The following MALT1 variants were observed in gnomAD, a reference collection of about 807,000 sequenced individuals.
MALT1 encodes MALT1 paracaspase.
In MALT1, 36 loss-of-function variants were observed where a neutral mutation model predicts 85.5. The observed-to-expected ratio is 0.42, with a 90% CI of 0.32 to 0.56. The LOEUF is 0.56. Ranked by LOEUF, MALT1 falls within the 20% of genes least tolerant of loss-of-function variation. The pLI is 0.10. For synonymous variants in MALT1, 359 were observed against 361.3 expected, an observed-to-expected ratio of 0.99 and a Z score of 0.07; for missense variants, 716 against 981.6, an observed-to-expected ratio of 0.73 and a Z score of 3.62.
chr18:58,714,301 G>C (rs1387301895), intron 8 of MALT1, among the ~76,000 whole-genome samples, 192 bp downstream of exon 8: 2 of 152,074 alleles, frequency 1.3e-5, no homozygotes, highest in African/African-American at 4.8e-5. Context: ...AATATTTTAG[G>C]TTATAAAACT....
rs1341134840 is a variant in MALT1 at position 58,709,383 on chromosome 18, G to A, written c.655G>A (p.Val219Ile). The A allele has an allele frequency of 6.3e-7, 1 of 1,579,414 alleles. No individual in the cohort carries two copies. The highest frequency in any genetic ancestry group is 2.3e-5 in the East Asian group (1 of 43,834). ...ATTTTTTCTTTTAATTTAAGGAAGT[G>A]TTGATGGCGTCTCTGAATCCAAGTT... ...CDIPESFQRSVDGVSESKLQI... is the reference protein window; with the variant it reads ...CDIPESFQRSIDGVSESKLQI... Residue 219 changes from valine to isoleucine, a missense_variant, in exon 5 of 17, where the codon GTT (valine) becomes ATT (isoleucine). Val to Ile is a conservative substitution (Grantham distance 29). Around this residue, in one of 4 missense-constraint regions of MALT1, gnomAD observed 290 missense variants for 380.5 expected, o/e 0.76. Coordinates refer to ENST00000649217, the MANE Select transcript of MALT1 (RefSeq NM_006785.4).
At chr18:58,736,336 G>A (rs2055220752) in intron 13 of MALT1, among the ~76,000 whole-genome samples, 1 of 151,664 alleles carries the variant, frequency 6.6e-6, no homozygotes. Flanking sequence ...CAGGGCTTTG[G>A]ACTTCCTGCC....
chr18:58,690,691 G>T, intron 2 of MALT1: 1 of 196,012 alleles, frequency 5.1e-6, no homozygotes, highest in Non-Finnish European at 1.2e-5. Flanking sequence ...TTCACGAGCA[G>T]CCACCATACA....
chr18:58,716,008 T>C (rs376594875), intron 9 of MALT1, 41 bp downstream of exon 9: 3 of 1,398,342 alleles, frequency 2.1e-6, no homozygotes, highest in Non-Finnish European at 3.0e-6. Flanking sequence ...GTATAATTAT[T>C]GTGTATAACT....
intron 4 of MALT1, among the ~76,000 whole-genome samples, chr18:58,705,914 T>G (rs1030202638): frequency 4.6e-5 from 7 of 152,094 alleles, no homozygotes; most frequent in African/African-American, 1.7e-4. Flanking sequence ...ACTTCCACAA[T>G]GGTTGAACTA....
rs190903396 is a variant in MALT1, at chr18:58,748,878, T to A, written c.*1036T>A. 620 of 207,112 alleles carry A rather than the reference T, an allele frequency of 3.0e-3. 5 individuals carry two copies. Among genetic ancestry groups the A allele is most frequent in the African/African-American group, 0.013 (587 of 44,026 alleles). 12.8% of individuals were successfully genotyped at this position (207,112 alleles called of 1,614,324 possible). ...AAATTAGCACTAATTTTTTGCACAC[T>A]GTTTCTAAAAGTAGGAGAGGAAAGA... is the stretch of plus-strand genomic sequence containing the variant. On this transcript the variant is annotated 3_prime_UTR_variant, in exon 17 of 17. Coordinates refer to ENST00000649217, the MANE Select transcript of MALT1 (RefSeq NM_006785.4).
At chr18:58,738,426 A>G (rs529821829) in intron 13 of MALT1, among the ~76,000 whole-genome samples, 12 of 152,240 alleles carry the variant, frequency 7.9e-5, no homozygotes, top group Middle Eastern at 3.4e-3. Context: ...GGTTTTTGCT[A>G]TGTTAACAGT....
In MALT1 at chr18:58,709,532, A is replaced by T. The variant is rs759593233; in HGVS notation, c.804A>T (p.Thr268=). 1 of 1,608,202 alleles carries T rather than the reference A, an allele frequency of 6.2e-7. No individual in the cohort carries two copies. The highest frequency in any genetic ancestry group is 8.5e-7 in the Non-Finnish European group (1 of 1,178,090). The change falls in exon 5 of 17, where the codon ACA becomes ACT. Residue 268 remains threonine, a synonymous_variant. Coordinates refer to ENST00000649217, the MANE Select transcript of MALT1 (RefSeq NM_006785.4). ...GGTTCAAAAATGAATTACCATTAAC[A>T]CATGAGACCAAAAAGCTATACATGG... ...YQWFKNELPL[T]HETKKLYMVP...
intron 10 of MALT1, among the ~76,000 whole-genome samples, chr18:58,730,507 T>C (rs2055133010): frequency 6.6e-6 from 1 of 152,034 alleles, no homozygotes. Flanking sequence ...GGCTAGATAA[T>C]ATTCTATTAT....
intron 2 of MALT1, among the ~76,000 whole-genome samples, chr18:58,693,987 T>C (rs1264597404): frequency 6.6e-6 from 1 of 152,242 alleles, no homozygotes. Context: ...GGCAGATGAA[T>C]GGTAAATGTG....
chr18:58,720,355 C>T (rs571205824), intron 9 of MALT1, among the ~76,000 whole-genome samples: 23 of 152,154 alleles, frequency 1.5e-4, no homozygotes, highest in Non-Finnish European at 3.2e-4. Context: ...CTTTCTACTA[C>T]TTCTCGATCT....
chr18:58,746,270 T>C (rs969917787), intron 16 of MALT1, among the ~76,000 whole-genome samples: 5 of 152,216 alleles, frequency 3.3e-5, no homozygotes, highest in Non-Finnish European at 7.3e-5. Flanking sequence ...CCTCCCTTCT[T>C]GGTCTCCCAA....
At chr18:58,705,659 A>AT (rs2054741387) in intron 4 of MALT1, among the ~76,000 whole-genome samples, 2 of 150,268 alleles carry the variant, frequency 1.3e-5, no homozygotes, top group South Asian at 2.1e-4. Context: ...TGAACTCATC[A>AT]TTTTTTATGG....
intron 9 of MALT1, among the ~76,000 whole-genome samples, chr18:58,718,638 G>A (rs1056359446): frequency 3.3e-5 from 5 of 152,192 alleles, no homozygotes; most frequent in Admixed American, 2.0e-4. Context: ...TGCCAGAAAG[G>A]TTGGGGACCG....
At chr18:58,679,158 C>T (rs1254997067) in intron 1 of MALT1, among the ~76,000 whole-genome samples, 1 of 152,200 alleles carries the variant, frequency 6.6e-6, no homozygotes, top group African/African-American at 2.4e-5. Context: ...TTCTTCATGG[C>T]CTTCTATGAT....
At chr18:58,710,106 G>T in intron 6 of MALT1, 34 bp downstream of exon 6, 2 of 1,349,692 alleles carry the variant, frequency 1.5e-6, no homozygotes, top group Non-Finnish European at 2.1e-6. Flanking sequence ...CTGACAAGTG[G>T]ACTATAATAT....
At chr18:58,730,005 G>A (rs1181057007) in intron 10 of MALT1, among the ~76,000 whole-genome samples, 1 of 152,154 alleles carries the variant, frequency 6.6e-6, no homozygotes, top group Non-Finnish European at 1.5e-5. Context: ...TAAGGATTCT[G>A]AACTTTGGAA....
At chr18:58,727,525 G>A (rs536555787) in intron 10 of MALT1, among the ~76,000 whole-genome samples, 4 of 151,356 alleles carry the variant, frequency 2.6e-5, no homozygotes, top group East Asian at 1.9e-4. Context: ...GGATGGTCTC[G>A]CTCTATCTCC....
At chr18:58,717,677 C>T (rs529811814) in intron 9 of MALT1, among the ~76,000 whole-genome samples, 118 of 140,756 alleles carry the variant, frequency 8.4e-4, no homozygotes, top group African/African-American at 3.0e-3. Context: ...ACCCAGGAGG[C>T]GGAGGTTGCA....
Sources: gnomAD v4.1 joint callset for allele counts (sites outside exome capture counted in the v4.1 genomes callset) on GRCh38, gnomAD v4.1.1 for gene constraint, gnomAD v4.1.1 regional missense constraint, MANE v1.5 for transcripts, NCBI Gene and HGNC (gene_info 2026-07-23, HGNC 2026-07-21) for gene names.